The following FBXW12 variants were observed in gnomAD, a reference collection of about 807,000 sequenced individuals.
FBXW12 encodes F-box and WD repeat domain containing 12.
Under a neutral mutation model 55.3 loss-of-function variants are expected in FBXW12, and 43 were observed. The observed-to-expected ratio is 0.78, with a 90% CI of 0.61 to 1.00. The LOEUF is 1.00. Among genes scored for constraint, FBXW12 ranks in the 50% least tolerant of loss-of-function variants. FBXW12 has a pLI of 0.00. For synonymous variants in FBXW12, 184 were observed against 203.8 expected, an observed-to-expected ratio of 0.90 and a Z score of 0.83; for missense variants, 524 against 560.5, an observed-to-expected ratio of 0.93 and a Z score of 0.66.
At chr3:48,393,383 G>A (rs946604555) in intron 10 of FBXW12, among the ~76,000 whole-genome samples, 2 of 152,128 alleles carry the variant, frequency 1.3e-5, no homozygotes, top group African/African-American at 4.8e-5. Context: ...GGTGGGGAGG[G>A]GGAGAAGTGT....
At chr3:48,376,140 C>T (rs1202979635) in intron 5 of FBXW12, among the ~76,000 whole-genome samples, 1 of 151,852 alleles carries the variant, frequency 6.6e-6, no homozygotes, top group African/African-American at 2.4e-5. Context: ...CGCCACGATG[C>T]CCAGCTAATT....
At chr3:48,389,568 G>A (rs2106653003) in intron 10 of FBXW12, among the ~76,000 whole-genome samples, 2 of 152,242 alleles carry the variant, frequency 1.3e-5, no homozygotes, top group South Asian at 4.1e-4. Context: ...TAGAGACAGG[G>A]TTTCACCATG....
intron 10 of FBXW12, among the ~76,000 whole-genome samples, chr3:48,382,406 A>G (rs528952624): frequency 1.2e-4 from 18 of 151,212 alleles, no homozygotes; most frequent in Admixed American, 5.9e-4. Context: ...GAGCCACCGC[A>G]CCCTGCCGAA....
intron 4 of FBXW12, 95 bp downstream of exon 4, chr3:48,373,800 C>A: frequency 8.4e-7 from 1 of 1,183,890 alleles, no homozygotes; most frequent in Non-Finnish European, 1.2e-6. Flanking sequence ...TATTCTCATT[C>A]AGTAAAGGGA....
chr3:48,372,909 C>T (rs2036625171), intron 2 of FBXW12, 52 bp downstream of exon 2: 2 of 1,521,804 alleles, frequency 1.3e-6, no homozygotes, highest in Admixed American at 1.7e-5. Context: ...TTCTCTCGAC[C>T]AGTTTGAGCA....
At position 48,381,769 on chromosome 3, in the gene FBXW12, GAT is replaced by G. The variant is rs2036778805; in HGVS notation, c.1060_1061del (p.Met354AspfsTer23). The G allele has an allele frequency of 6.2e-7, 1 of 1,611,384 alleles. No homozygotes were observed. The highest frequency in any genetic ancestry group is 1.3e-5 in the African/African-American group (1 of 74,828). On this transcript the variant is annotated frameshift_variant, in exon 9 of 11. Transcript: ENST00000296438. LOFTEE classifies it high-confidence loss of function. Reference sequence around the variant, plus strand: ...CCTATCTGGATGGGAGCCAGTGATGGATATATGATTGTCTTTACCAGTGGACC... The same window carrying G: ...CCTATCTGGATGGGAGCCAGTGATGGATATGATTGTCTTTACCAGTGGACC...
chr3:48,389,239 T>C (rs577466941), intron 10 of FBXW12, among the ~76,000 whole-genome samples: 1 of 152,308 alleles, frequency 6.6e-6, no homozygotes, highest in East Asian at 1.9e-4. Context: ...GGGTTTGTTT[T>C]TTACTTGAGT....
chr3:48,385,032 T>C (rs1262698983), intron 10 of FBXW12, among the ~76,000 whole-genome samples: 2 of 152,184 alleles, frequency 1.3e-5, no homozygotes, highest in African/African-American at 4.8e-5. Context: ...TATTATGAAC[T>C]ACAGTCACCA....
chr3:48,374,786 TAAAAACAGAG>T (rs1560029787), intron 4 of FBXW12, among the ~76,000 whole-genome samples: 1 of 120,112 alleles, frequency 8.3e-6, no homozygotes. Flanking sequence ...TTTTTTTTTT[TAAAAACAGAG>T]TCTCATTTTG....
chr3:48,376,087 T>C (rs1329963057), intron 5 of FBXW12, among the ~76,000 whole-genome samples: 2 of 147,506 alleles, frequency 1.4e-5, no homozygotes, highest in African/African-American at 5.0e-5. Context: ...GTTCAAGCGA[T>C]TCTCGTGCCT....
In FBXW12 at chr3:48,393,873, G is replaced by A. The variant is rs1191040906; in HGVS notation, c.1296-687G>A. On this transcript the variant is annotated intron_variant, in intron 10 of 10. Transcript: ENST00000296438. ...GGCTCACTACAACCTCCGCCTCCCG[G>A]GTTCAAGCAATTCTCCTGCCTCAGC... Among the ~76,000 whole-genome samples the A allele has an allele frequency of 4.0e-5, 6 of 151,398 alleles. No homozygotes were observed. The South Asian group carries it at 6.3e-4, about 16-fold the overall frequency.
chr3:48,375,421 C>T lies in FBXW12; in HGVS notation c.354C>T (p.Ile118=). ...CAGTGGATGAACAGGAGAAATCAAT[C>T]ATTTGTAGTGTATCTCCAAAGCAAG... The part of the protein sequence containing the change: ...RLTVDEQEKS[I]ICSVSPKQEL... Residue 118 remains isoleucine (I), a synonymous_variant, in exon 5 of 11, where the codon ATC becomes ATT. Transcript: ENST00000296438. 4 of 1,612,774 alleles carry T rather than the reference C, an allele frequency of 2.5e-6. No individual in the cohort carries two copies. The highest frequency in any genetic ancestry group is 3.4e-6 in the Non-Finnish European group (4 of 1,179,608).
At chr3:48,388,011 C>T (rs912434860) in intron 10 of FBXW12, among the ~76,000 whole-genome samples, 4 of 152,184 alleles carry the variant, frequency 2.6e-5, no homozygotes, top group Non-Finnish European at 5.9e-5. Flanking sequence ...GTTCCATATA[C>T]TTATTTCCCT....
chr3:48,379,380 T>C lies in FBXW12; in HGVS notation c.616-20T>C. 1 of 1,613,056 alleles carries C rather than the reference T, an allele frequency of 6.2e-7. No individual in the cohort carries two copies. The highest frequency in any genetic ancestry group is 8.5e-7 in the Non-Finnish European group (1 of 1,179,214). Reference sequence around the variant, plus strand: ...TTCACATATCTTCCTATTGATATGGTGGGGATGCTTTGGTTTCAGGTTGGC... The same window carrying C: ...TTCACATATCTTCCTATTGATATGGCGGGGATGCTTTGGTTTCAGGTTGGC... On this transcript the variant is annotated intron_variant, in intron 6 of 10. Coordinates refer to ENST00000296438, the MANE Select transcript of FBXW12 (RefSeq NM_207102.2).
At chr3:48,386,347 C>T (rs749835275) in intron 10 of FBXW12, among the ~76,000 whole-genome samples, 1 of 152,158 alleles carries the variant, frequency 6.6e-6, no homozygotes, top group Non-Finnish European at 1.5e-5. Flanking sequence ...AGCTGTTGGT[C>T]ACTGTGCCTG....
chr3:48,383,173 T>G (rs1287794734), intron 10 of FBXW12, among the ~76,000 whole-genome samples: 1 of 152,238 alleles, frequency 6.6e-6, no homozygotes, highest in Non-Finnish European at 1.5e-5. Context: ...TTAGCAGACT[T>G]TCATGGTTTT....
At chr3:48,381,311 C>T (rs1314997275) in intron 8 of FBXW12, among the ~76,000 whole-genome samples, 8 of 151,944 alleles carry the variant, frequency 5.3e-5, no homozygotes, top group Non-Finnish European at 8.8e-5. Flanking sequence ...AGTGAGCCAT[C>T]GCACCCGGCC....
intron 10 of FBXW12, among the ~76,000 whole-genome samples, chr3:48,384,351 T>G (rs534206481): frequency 6.6e-6 from 1 of 152,244 alleles, no homozygotes; most frequent in African/African-American, 2.4e-5. Context: ...TACTAGTATA[T>G]AGAAATACGA....
intron 8 of FBXW12, 93 bp downstream of exon 8, chr3:48,381,005 T>C (rs2036759764): frequency 1.0e-6 from 1 of 1,000,738 alleles, no homozygotes; most frequent in Admixed American, 2.4e-5. Context: ...CTGTATAAAG[T>C]GAGCAGGGGA....
Sources: gnomAD v4.1 joint callset for allele counts (sites outside exome capture counted in the v4.1 genomes callset) on GRCh38, gnomAD v4.1.1 for gene constraint, MANE v1.5 for transcripts, NCBI Gene and HGNC (gene_info 2026-07-23, HGNC 2026-07-21) for gene names.